CHD9: variants seen among roughly 807,000 people sequenced by gnomAD.
CHD9 encodes the protein chromodomain helicase DNA binding protein 9.
CHD9 carries 77 observed loss-of-function variants against 316.1 expected under a neutral mutation model. That is an observed-to-expected ratio of 0.24 (90% CI 0.20 to 0.29). The LOEUF is 0.29. CHD9 is among the 10% of genes least tolerant of loss of function. The pLI is 1.00. For synonymous variants in CHD9, 1,129 were observed against 1,158.3 expected, an observed-to-expected ratio of 0.97 and a Z score of 0.51; for missense variants, 2,763 against 3,438.1, an observed-to-expected ratio of 0.80 and a Z score of 4.91.
At chr16:53,082,440 C>G (rs1421621158) in intron 1 of CHD9, among the ~76,000 whole-genome samples, 1 of 152,106 alleles carries the variant, frequency 6.6e-6, no homozygotes, top group African/African-American at 2.4e-5. Flanking sequence ...AGGGTTTCAT[C>G]ATGTTGCCCA....
chr16:53,158,476 G>A (rs1331024557), intron 2 of CHD9, among the ~76,000 whole-genome samples: 1 of 152,150 alleles, frequency 6.6e-6, no homozygotes, highest in African/African-American at 2.4e-5. Flanking sequence ...TGTGGGTCCT[G>A]TTACTTAGTA....
intron 1 of CHD9, among the ~76,000 whole-genome samples, chr16:53,106,695 TG>T (rs1409438058): frequency 1.3e-5 from 2 of 151,836 alleles, no homozygotes; most frequent in Non-Finnish European, 2.9e-5. Flanking sequence ...GATGTGCATA[TG>T]GTGTGGTTAT....
intron 1 of CHD9, among the ~76,000 whole-genome samples, chr16:53,099,834 C>T (rs1281045924): frequency 2.6e-5 from 4 of 152,244 alleles, no homozygotes; most frequent in African/African-American, 9.6e-5. Flanking sequence ...GGTGCCCTGG[C>T]AGCCCCAGAC....
chr16:53,153,552 A>G (rs1392422018), intron 1 of CHD9, among the ~76,000 whole-genome samples: 1 of 152,194 alleles, frequency 6.6e-6, no homozygotes, highest in Non-Finnish European at 1.5e-5. Flanking sequence ...TTTTGGAGAC[A>G]GGGCCTCTCT....
At position 53,315,153 on chromosome 16, in the gene CHD9, A is replaced by G. The variant is rs906938323; in HGVS notation, c.7584+109A>G. On this transcript the variant is annotated intron_variant, in intron 36 of 38. Transcript: ENST00000447540. ...CTTATGCTAAATATGTGCTCTGCCT[A>G]AGACCTAGGAGAATTAGCAGAAAAA... is the stretch of plus-strand genomic sequence containing the variant. 1.4e-4 allele frequency: 98 copies of G among 722,208 alleles called. 1 individual carries two copies. Among genetic ancestry groups the G allele is most frequent in the Non-Finnish European group, 2.3e-5 (10 of 435,848 alleles). 44.7% of individuals were successfully genotyped at this position (722,208 alleles called of 1,614,324 possible).
At chr16:53,150,215 A>AT (rs4002248) in intron 1 of CHD9, among the ~76,000 whole-genome samples, 38,468 of 140,688 alleles carry the variant, frequency 0.27, 5,129 homozygotes, top group Middle Eastern at 0.35. Flanking sequence ...TTATATTTAG[A>AT]TTTTTTTTTT....
intron 1 of CHD9, among the ~76,000 whole-genome samples, chr16:53,055,484 T>G (rs2031956815): frequency 7.6e-6 from 1 of 132,028 alleles, no homozygotes; most frequent in Admixed American, 7.6e-5. Context: ...GATGCCCTAG[T>G]TCCACCCCCG....
intron 1 of CHD9, among the ~76,000 whole-genome samples, chr16:53,066,910 T>A (rs536423271): frequency 5.9e-5 from 9 of 152,304 alleles, no homozygotes; most frequent in Admixed American, 5.9e-4. Context: ...ACTACAGAAT[T>A]CCCACATATT....
In CHD9 at chr16:53,107,480, A is replaced by AAAAT. The variant is rs1433520599; in HGVS notation, c.-164-48442_-164-48439dup. Among the ~76,000 whole-genome samples, 13 of 143,682 alleles carry AAAAT rather than the reference A, an allele frequency of 9.0e-5. 1 individual carries two copies. The highest frequency in any genetic ancestry group is 1.2e-4 in the Non-Finnish European group (8 of 66,894). 94.3% of individuals were successfully genotyped at this position (143,682 alleles called of 152,430 possible). A position where few individuals can be genotyped will look rare whatever the true frequency, so the allele number is the denominator to read the frequency against. ...ATCTCAAAATAAAATAAAATAAAAT[A>AAAAT]AAATAAAATAAATAAAATAAAATAA... On this transcript the variant is annotated intron_variant, in intron 1 of 38. Transcript: ENST00000447540.
chr16:53,207,003 T>C (rs930447814), intron 2 of CHD9, among the ~76,000 whole-genome samples: 1 of 152,214 alleles, frequency 6.6e-6, no homozygotes, highest in African/African-American at 2.4e-5. Flanking sequence ...GTCCTCTGCC[T>C]TTAATCTCTC....
At position 53,308,775 on chromosome 16, in the gene CHD9, G is replaced by A; in HGVS notation, c.7143G>A (p.Gln2381=). 6.2e-7 allele frequency: 1 copy of A among 1,613,654 alleles called. No individual in the cohort carries two copies. Among genetic ancestry groups the A allele is most frequent in the Non-Finnish European group, 8.5e-7 (1 of 1,179,748 alleles). Residue 2381 remains glutamine, a synonymous_variant, in exon 34 of 39, where the codon CAG becomes CAA. Coordinates refer to ENST00000447540, the MANE Select transcript of CHD9 (RefSeq NM_001308319.2). ...AAGACGGTGCTCTGGGGCAGCAGCA[G>A]TACCTCACTCGGCTTCGAGAGCTTC... is the stretch of plus-strand genomic sequence containing the variant. ...DGEDGALGQQ[Q]YLTRLRELQS... is the part of the protein sequence containing the mutation.
At chr16:53,124,900 G>T (rs2038904446) in intron 1 of CHD9, among the ~76,000 whole-genome samples, 1 of 152,224 alleles carries the variant, frequency 6.6e-6, no homozygotes, top group African/African-American at 2.4e-5. Flanking sequence ...CGAGTTTTGG[G>T]TGGGGACACA....
At position 53,156,565 on chromosome 16, in the gene CHD9, A is replaced by C. The variant is rs1268596618; in HGVS notation, c.476A>C (p.His159Pro). 1.2e-6 allele frequency: 2 copies of C among 1,614,010 alleles called. No homozygotes were observed. The highest frequency in any genetic ancestry group is 2.2e-5 in the South Asian group (2 of 91,076). The change falls in exon 2 of 39, where the codon CAC (histidine) becomes CCC (proline). Residue 159 changes from histidine (H) to proline (P), a missense_variant. Coordinates refer to ENST00000447540, the MANE Select transcript of CHD9 (RefSeq NM_001308319.2). ...CATCAAAATAAAAGCTTTGTGGCAC[A>C]CCATGACTTTGCCTTATTTCAGGCC... ...SMHQNKSFVA[H>P]HDFALFQANE...
intron 5 of CHD9, 134 bp downstream of exon 5, chr16:53,226,646 A>T: frequency 1.0e-6 from 1 of 970,024 alleles, no homozygotes; most frequent in East Asian, 2.8e-5. Context: ...TAATTGAGTC[A>T]TTCAAATTAG....
chr16:53,321,336 C>T (rs971203013), intron 37 of CHD9, 190 bp from the exon 38 acceptor site: 28 of 1,373,546 alleles, frequency 2.0e-5, no homozygotes, highest in Non-Finnish European at 2.4e-5. Context: ...TACATTATCA[C>T]ATATTTATAT....
At chr16:53,109,804 C>T (rs1025641713) in intron 1 of CHD9, among the ~76,000 whole-genome samples, 1 of 150,322 alleles carries the variant, frequency 6.7e-6, no homozygotes, top group Non-Finnish European at 1.5e-5. Context: ...CCTGCCTCAG[C>T]CTCCCGAGTA....
intron 1 of CHD9, among the ~76,000 whole-genome samples, chr16:53,113,066 C>A (rs1223889687): frequency 2.0e-5 from 3 of 152,048 alleles, no homozygotes; most frequent in African/African-American, 7.2e-5. Flanking sequence ...TGACTAGTCT[C>A]AGCTACGTTT....
At chr16:53,259,365 AG>A (rs1437421419) in intron 19 of CHD9, among the ~76,000 whole-genome samples, 1 of 152,242 alleles carries the variant, frequency 6.6e-6, no homozygotes, top group Non-Finnish European at 1.5e-5. Context: ...GTTATATGAT[AG>A]CAGAATAAAA....
Position 53,242,937 on chromosome 16 carries a change from G to A in CHD9, c.2975G>A (p.Arg992Gln), listed in dbSNP as rs374505230. Residue 992 changes from arginine to glutamine, a missense_variant, in exon 13 of 39, where the codon CGA becomes CAA. Physicochemically the swap from Arg to Gln is conservative, Grantham distance 43 (BLOSUM62 1). Transcript: ENST00000447540. ...GGAGAGCTTAATGCAATTGAATGGC[G>A]ATGTGTGATTATTGATGAAGCACAT... ...GCGELNAIEW[R>Q]CVIIDEAHRL... 1.3e-4 allele frequency: 204 copies of A among 1,612,858 alleles called. No homozygotes were observed. Among genetic ancestry groups the A allele is most frequent in the Non-Finnish European group, 1.7e-4 (198 of 1,179,172 alleles).
Sources: allele counts gnomAD v4.1 joint callset (sites outside exome capture counted in the v4.1 genomes callset), GRCh38; gene constraint gnomAD v4.1.1; transcripts MANE v1.5; gene names NCBI Gene and HGNC (gene_info 2026-07-23, HGNC 2026-07-21).